The following PPP2R5A variants were observed in gnomAD, a reference collection of about 807,000 sequenced individuals.
PPP2R5A encodes serine/threonine-protein phosphatase 2A 56 kDa regulatory subunit alpha isoform.
A neutral mutation model predicts 64.2 loss-of-function variants in PPP2R5A; 25 were observed. The observed-to-expected ratio is 0.39, with a 90% CI of 0.28 to 0.54. The LOEUF (loss-of-function observed/expected upper bound fraction) is 0.54, where lower values mean the gene tolerates loss of function less well. PPP2R5A is among the 20% of genes least tolerant of loss of function. The pLI, the probability that PPP2R5A is intolerant of heterozygous loss-of-function variation, is 0.67. For synonymous variants in PPP2R5A, 198 were observed against 201.2 expected (o/e 0.98, Z 0.13); for missense variants, 425 against 576.3 (o/e 0.74, Z 2.69).
intron 1 of PPP2R5A, among the ~76,000 whole-genome samples, chr1:212,298,854 A>G (rs1400255221): frequency 8.6e-5 from 3 of 34,736 alleles, no homozygotes; most frequent in African/African-American, 3.0e-4. Flanking sequence ...CACCTCCCGG[A>G]CGGGGCGGCT....
chr1:212,291,772 T>G (rs1272824365), intron 1 of PPP2R5A, among the ~76,000 whole-genome samples: 1 of 152,232 alleles, frequency 6.6e-6, no homozygotes, highest in Non-Finnish European at 1.5e-5. Flanking sequence ...GATGGGATGA[T>G]TCTACTGGTT....
intron 1 of PPP2R5A, among the ~76,000 whole-genome samples, chr1:212,292,031 T>G (rs1658609971): frequency 6.6e-6 from 1 of 152,246 alleles, no homozygotes. Context: ...TACCATTGTA[T>G]ATGTTAAATA....
At chr1:212,315,509 C>T (rs920934932) in intron 1 of PPP2R5A, among the ~76,000 whole-genome samples, 1 of 152,228 alleles carries the variant, frequency 6.6e-6, no homozygotes, top group Middle Eastern at 3.4e-3. Context: ...TTTCATAAAT[C>T]GACATTAAAG....
chr1:212,301,037 A>G (rs1658791749), intron 1 of PPP2R5A, among the ~76,000 whole-genome samples: 1 of 152,186 alleles, frequency 6.6e-6, no homozygotes, highest in South Asian at 2.1e-4. Context: ...TGTTTGAGAC[A>G]GGGTCTTGCT....
At chr1:212,324,639 C>T (rs1471339323) in intron 1 of PPP2R5A, among the ~76,000 whole-genome samples, 1 of 148,880 alleles carries the variant, frequency 6.7e-6, no homozygotes, top group Non-Finnish European at 1.5e-5. Flanking sequence ...TCTTCTTGCT[C>T]TGTCCCCCAG....
At chr1:212,306,342 A>G (rs983290306) in intron 1 of PPP2R5A, among the ~76,000 whole-genome samples, 3 of 113,506 alleles carry the variant, frequency 2.6e-5, no homozygotes, top group East Asian at 2.3e-4. Context: ...AAAAGGGGAA[A>G]AAAGGAGAAG....
At chr1:212,330,724 A>T (rs1289446541) in intron 2 of PPP2R5A, among the ~76,000 whole-genome samples, 1 of 152,164 alleles carries the variant, frequency 6.6e-6, no homozygotes, top group Non-Finnish European at 1.5e-5. Context: ...AGTAGGAAAT[A>T]TAAGTTTGGC....
chr1:212,297,997 A>C lies in PPP2R5A; in HGVS notation c.181+11706A>C, dbSNP rs1217668730. On this transcript the variant is annotated intron_variant, in intron 1 of 12. Coordinates refer to ENST00000261461, the MANE Select transcript of PPP2R5A (RefSeq NM_006243.4). ...GCAGCGTTTGTGTCCCTGGGTACTT[A>C]AGATTAGGGAGTGGTGATGACTCTC... Among the ~76,000 whole-genome samples the C allele has an allele frequency of 2.1e-4, 8 of 37,376 alleles. 2 individuals carry two copies. The highest frequency in any genetic ancestry group is 6.1e-4 in the South Asian group (1 of 1,632). The allele number at this position is 37,376 out of a possible 152,430, so 24.5% of individuals were successfully genotyped here. A position where few individuals can be genotyped will look rare whatever the true frequency, so the allele number is the denominator to read the frequency against.
intron 1 of PPP2R5A, among the ~76,000 whole-genome samples, chr1:212,320,690 C>G (rs1452549465): frequency 9.2e-6 from 1 of 108,536 alleles, no homozygotes; most frequent in Non-Finnish European, 2.2e-5. Flanking sequence ...GGGGGCTGAC[C>G]CCCCCACCTC....
chr1:212,307,561 G>A (rs942521459), intron 1 of PPP2R5A, among the ~76,000 whole-genome samples: 1 of 152,120 alleles, frequency 6.6e-6, no homozygotes, highest in African/African-American at 2.4e-5. Context: ...ACATTTCTAT[G>A]TATCAACCGT....
chr1:212,308,959 T>C (rs1401964730), intron 1 of PPP2R5A: 1 of 590,068 alleles, frequency 1.7e-6, no homozygotes, highest in African/African-American at 1.9e-5. Context: ...TTTATGATAT[T>C]CTCTGTTTGA....
At chr1:212,309,433 A>G in intron 1 of PPP2R5A, 1 of 1,151,158 alleles carries the variant, frequency 8.7e-7, no homozygotes, top group Middle Eastern at 2.0e-4. Context: ...GACACCTTTC[A>G]ACATTGCCTT....
chr1:212,332,359 GT>G (rs1463370958), intron 2 of PPP2R5A, among the ~76,000 whole-genome samples: 1 of 152,136 alleles, frequency 6.6e-6, no homozygotes. Context: ...CAACCCCTTA[GT>G]AGTTGGGCCT....
chr1:212,350,881 T>C (rs1195304896), intron 8 of PPP2R5A, among the ~76,000 whole-genome samples: 1 of 151,800 alleles, frequency 6.6e-6, no homozygotes, highest in African/African-American at 2.4e-5. Context: ...TTCATGCCTG[T>C]AATCCCAGCA....
chr1:212,286,211 G>A lies in PPP2R5A; in HGVS notation c.101G>A (p.Arg34Lys), dbSNP rs1246927856. The A allele has an allele frequency of 2.5e-6, 4 of 1,577,006 alleles. No homozygotes were observed. The highest frequency in any genetic ancestry group is 1.4e-5 in the African/African-American group (1 of 73,220). Residue 34 changes from arginine (R) to lysine (K), a missense_variant, in exon 1 of 13, where the codon AGG becomes AAG. This residue lies in a region of PPP2R5A where 104 missense variants were observed against 95.7 expected (regional missense o/e 1.09). Coordinates refer to ENST00000261461, the MANE Select transcript of PPP2R5A (RefSeq NM_006243.4). ...CGGAAATCGGTCCGCAAGGCGCAGA[G>A]GCAGAAGCGCTCCCAGGGCTCGTCG... is the stretch of plus-strand genomic sequence containing the variant. ...FTRKSVRKAQ[R>K]QKRSQGSSQF...
rs768727230 is a variant in PPP2R5A, at chr1:212,361,069, G to T, written c.*299G>T. On this transcript the variant is annotated 3_prime_UTR_variant, in exon 13 of 13. Coordinates refer to ENST00000261461, the MANE Select transcript of PPP2R5A (RefSeq NM_006243.4). The stretch of plus-strand genomic sequence containing the variant: ...TAATTATGGGAGTGGTAAGAATTAT[G>T]ACTTGAATTCTTCTTTGATTGTGTT... 7.6e-5 allele frequency: 15 copies of T among 196,130 alleles called. No homozygotes were observed. Among genetic ancestry groups the T allele is most frequent in the Non-Finnish European group, 1.4e-4 (14 of 97,082 alleles). The allele number at this position is 196,130 out of a possible 1,614,324, so 12.1% of individuals were successfully genotyped here.
intron 1 of PPP2R5A, among the ~76,000 whole-genome samples, chr1:212,302,747 T>C (rs1345952459): frequency 1.3e-5 from 2 of 152,356 alleles, no homozygotes; most frequent in Non-Finnish European, 2.9e-5. Flanking sequence ...TGTCACCCCC[T>C]ATTCCTTTAG....
chr1:212,287,796 GT>G (rs1238968470), intron 1 of PPP2R5A, among the ~76,000 whole-genome samples: 1 of 151,984 alleles, frequency 6.6e-6, no homozygotes, highest in East Asian at 1.9e-4. Flanking sequence ...AAATATCATA[GT>G]TTTTTTATAC....
rs746674172 is a variant in PPP2R5A, at chr1:212,302,082, T to C, written c.181+15791T>C. The C allele has an allele frequency of 3.9e-6, 6 of 1,525,962 alleles. No homozygotes were observed. In the South Asian group the frequency reaches 4.8e-5, roughly 12 times the overall value. 94.5% of individuals were successfully genotyped at this position (1,525,962 alleles called of 1,614,324 possible). On this transcript the variant is annotated intron_variant, in intron 1 of 12. Transcript: ENST00000261461. ...AAGAAGGGCAAGAAGAGGAAGGCTTTATGATAATGAGTATGTATATTAAGA... is the reference window on the plus strand; with the variant it reads ...AAGAAGGGCAAGAAGAGGAAGGCTTCATGATAATGAGTATGTATATTAAGA...
Sources: gnomAD v4.1 joint callset for allele counts (sites outside exome capture counted in the v4.1 genomes callset) on GRCh38, gnomAD v4.1.1 for gene constraint, gnomAD v4.1.1 regional missense constraint, MANE v1.5 for transcripts, NCBI Gene and HGNC (gene_info 2026-07-23, HGNC 2026-07-21) for gene names.